Variants in POU6F2 observed in about 807,000 individuals in gnomAD.
POU6F2 encodes the protein POU class 6 homeobox 2.
In POU6F2, 31 loss-of-function variants were observed where a neutral mutation model predicts 71.3. The ratio of observed to expected loss-of-function variants is 0.43; its 90% CI spans 0.33 to 0.59. The LOEUF (loss-of-function observed/expected upper bound fraction) is 0.59, where lower values mean the gene tolerates loss of function less well. Ranked by LOEUF, POU6F2 falls within the 20% of genes least tolerant of loss-of-function variation. POU6F2 has a pLI of 0.04. For missense variants in POU6F2, 783 were observed against 856.8 expected (o/e 0.91, Z 1.07); for synonymous variants, 347 against 355.7 (o/e 0.98, Z 0.27).
At chr7:39,216,959 G>A (rs1361145655) in intron 4 of POU6F2, among the ~76,000 whole-genome samples, 1 of 152,056 alleles carries the variant, frequency 6.6e-6, no homozygotes, top group Non-Finnish European at 1.5e-5. Flanking sequence ...CAGAGAGAGG[G>A]AGGAAATGAT....
At chr7:39,119,024 C>G (rs1169981159) in intron 2 of POU6F2, among the ~76,000 whole-genome samples, 4 of 152,186 alleles carry the variant, frequency 2.6e-5, no homozygotes, top group Non-Finnish European at 4.4e-5. Flanking sequence ...AACTGCATCT[C>G]CTATGTACTG....
intron 8 of POU6F2, among the ~76,000 whole-genome samples, chr7:39,454,174 C>T (rs539691359): frequency 3.9e-5 from 6 of 152,182 alleles, no homozygotes; most frequent in Admixed American, 6.5e-5. Flanking sequence ...TGAAGAGGTA[C>T]GCAGGGCAAG....
At chr7:39,221,760 T>A (rs1794367337) in intron 4 of POU6F2, among the ~76,000 whole-genome samples, 1 of 152,200 alleles carries the variant, frequency 6.6e-6, no homozygotes, top group Non-Finnish European at 1.5e-5. Context: ...GTGCTTCAAC[T>A]GTATTTGTAA....
chr7:39,101,181 C>A (rs758237617), intron 2 of POU6F2, among the ~76,000 whole-genome samples: 6 of 150,814 alleles, frequency 4.0e-5, no homozygotes, highest in South Asian at 4.2e-4. Flanking sequence ...TCAAGCAATT[C>A]TCCTGCCTCA....
intron 5 of POU6F2, among the ~76,000 whole-genome samples, chr7:39,402,125 C>T (rs1787318379): frequency 6.6e-6 from 1 of 152,194 alleles, no homozygotes; most frequent in African/African-American, 2.4e-5. Context: ...AACTATGCAT[C>T]TTTCAGAGAA....
At chr7:39,191,874 T>G (rs1226446651) in intron 2 of POU6F2, among the ~76,000 whole-genome samples, 3 of 152,210 alleles carry the variant, frequency 2.0e-5, no homozygotes, top group African/African-American at 7.2e-5. Flanking sequence ...AAGAGACACA[T>G]GAATTGGACT....
intron 2 of POU6F2, among the ~76,000 whole-genome samples, chr7:39,100,885 C>G (rs765914462): frequency 2.6e-5 from 4 of 152,040 alleles, no homozygotes; most frequent in Admixed American, 6.6e-5. Context: ...GTTGGGAAAA[C>G]AAATACAAGG....
chr7:39,441,884 G>A (rs1481449437), intron 7 of POU6F2, among the ~76,000 whole-genome samples: 1 of 152,122 alleles, frequency 6.6e-6, no homozygotes, highest in Admixed American at 6.6e-5. Context: ...GTGTATGACC[G>A]AGCACATGGC....
At chr7:39,386,796 C>T (rs1786953651) in intron 5 of POU6F2, among the ~76,000 whole-genome samples, 1 of 152,194 alleles carries the variant, frequency 6.6e-6, no homozygotes. Context: ...GTATAAATCC[C>T]TAGATAGGTG....
At chr7:39,121,104 T>TGA (rs897230912) in intron 2 of POU6F2, among the ~76,000 whole-genome samples, 1 of 151,792 alleles carries the variant, frequency 6.6e-6, no homozygotes, top group African/African-American at 2.4e-5. Context: ...AGAGACAAAT[T>TGA]GAGAGAGAGA....
intron 8 of POU6F2, among the ~76,000 whole-genome samples, chr7:39,456,962 C>T (rs1788820839): frequency 6.6e-6 from 1 of 152,158 alleles, no homozygotes; most frequent in Non-Finnish European, 1.5e-5. Context: ...GGCTCCCATC[C>T]CTCTGAGCTT....
At chr7:39,113,865 G>C (rs555712329) in intron 2 of POU6F2, among the ~76,000 whole-genome samples, 2 of 152,298 alleles carry the variant, frequency 1.3e-5, no homozygotes, top group South Asian at 4.1e-4. Flanking sequence ...GGGCTGATGG[G>C]AGGTGAGTAA....
intron 2 of POU6F2, among the ~76,000 whole-genome samples, chr7:39,191,337 T>G (rs1265182914): frequency 1.3e-5 from 2 of 152,232 alleles, no homozygotes; most frequent in Admixed American, 1.3e-4. Context: ...TTTAAACTAT[T>G]GGATACTTTT....
chr7:39,395,745 T>A (rs1787163659), intron 5 of POU6F2, among the ~76,000 whole-genome samples: 1 of 152,218 alleles, frequency 6.6e-6, no homozygotes. Flanking sequence ...GCACCTATTG[T>A]CCCTTGTAAG....
intron 2 of POU6F2, among the ~76,000 whole-genome samples, chr7:39,153,632 A>G (rs1247111671): frequency 1.3e-5 from 2 of 152,226 alleles, no homozygotes; most frequent in African/African-American, 4.8e-5. Context: ...ATTAAAAGAA[A>G]TGAACAGATA....
intron 2 of POU6F2, among the ~76,000 whole-genome samples, chr7:39,199,943 G>A (rs1306037270): frequency 6.6e-6 from 1 of 152,128 alleles, no homozygotes; most frequent in Non-Finnish European, 1.5e-5. Context: ...CTATTATGTA[G>A]CTATTTTAAA....
chr7:39,069,569 C>G (rs2128717775), intron 1 of POU6F2, among the ~76,000 whole-genome samples: 1 of 152,286 alleles, frequency 6.6e-6, no homozygotes, highest in East Asian at 1.9e-4. Context: ...AATCCACATG[C>G]AACTTTTGAC....
chr7:39,347,720 C>G (rs1786057754), intron 5 of POU6F2, among the ~76,000 whole-genome samples: 1 of 104,268 alleles, frequency 9.6e-6, no homozygotes, highest in African/African-American at 3.0e-5. Context: ...CAGCCTCGAC[C>G]TCCCAGGCTC....
chr7:39,148,815 G>A (rs147655658), intron 2 of POU6F2, among the ~76,000 whole-genome samples: 6 of 152,298 alleles, frequency 3.9e-5, no homozygotes, highest in Non-Finnish European at 8.8e-5. Context: ...CAGAGATACT[G>A]CATTATCAAA....
Sources: gnomAD v4.1 joint callset for allele counts (sites outside exome capture counted in the v4.1 genomes callset) on GRCh38, gnomAD v4.1.1 for gene constraint, MANE v1.5 for transcripts, NCBI Gene and HGNC (gene_info 2026-07-23, HGNC 2026-07-21) for gene names.